RASGRF2: variants seen among roughly 807,000 people sequenced by gnomAD.
The protein encoded by RASGRF2 is ras-specific guanine nucleotide-releasing factor 2.
In RASGRF2, 76 loss-of-function variants were observed where a neutral mutation model predicts 151.0. The ratio of observed to expected loss-of-function variants is 0.50; its 90% CI spans 0.42 to 0.61. The LOEUF (loss-of-function observed/expected upper bound fraction) is 0.61, where lower values mean the gene tolerates loss of function less well. RASGRF2 is among the 20% of genes least tolerant of loss of function. The pLI, the probability that RASGRF2 is intolerant of heterozygous loss-of-function variation, is 0.00. For missense variants in RASGRF2, 1,148 were observed against 1,564.6 expected, an observed-to-expected ratio of 0.73 and a Z score of 4.49; for synonymous variants, 504 against 566.5, an observed-to-expected ratio of 0.89 and a Z score of 1.57.
At chr5:81,212,279 A>T in intron 22 of RASGRF2, 87 bp from the exon 23 acceptor site, 1 of 908,474 alleles carries the variant, frequency 1.1e-6, no homozygotes, top group Non-Finnish European at 1.7e-6. Context: ...TGCCTTCCTG[A>T]CAGGTCTGCA....
intron 1 of RASGRF2, among the ~76,000 whole-genome samples, chr5:81,010,515 T>C (rs1189686382): frequency 6.6e-6 from 1 of 152,156 alleles, no homozygotes; most frequent in Admixed American, 6.5e-5. Flanking sequence ...AGTTTTGCTT[T>C]TTGAAGATTT....
At chr5:81,101,179 T>A (rs1403768143) in intron 12 of RASGRF2, among the ~76,000 whole-genome samples, 1 of 152,214 alleles carries the variant, frequency 6.6e-6, no homozygotes, top group Non-Finnish European at 1.5e-5. Flanking sequence ...ATTAAAGATA[T>A]CTGAAACCCT....
At chr5:81,035,084 C>G (rs1750433475) in intron 1 of RASGRF2, among the ~76,000 whole-genome samples, 1 of 152,110 alleles carries the variant, frequency 6.6e-6, no homozygotes, top group Non-Finnish European at 1.5e-5. Flanking sequence ...ACTAGAAATA[C>G]CATTTGACCC....
intron 12 of RASGRF2, among the ~76,000 whole-genome samples, chr5:81,106,759 A>G (rs548017965): frequency 6.6e-6 from 1 of 152,240 alleles, no homozygotes; most frequent in Non-Finnish European, 1.5e-5. Context: ...GCTGGTTGAA[A>G]CACTGACTCT....
chr5:81,096,360 C>T (rs1383395379), intron 12 of RASGRF2: 1 of 152,210 alleles, frequency 6.6e-6, no homozygotes, highest in African/African-American at 2.4e-5. Flanking sequence ...CTGGATCATT[C>T]ATTGACTCTT....
In RASGRF2 at chr5:81,022,299, G is replaced by A. The variant is rs150079213; in HGVS notation, c.289-20578G>A. Among the ~76,000 whole-genome samples the A allele has an allele frequency of 4.2e-3, 644 of 152,230 alleles. 3 individuals are homozygous for A. The highest frequency in any genetic ancestry group is 6.2e-3 in the Non-Finnish European group (423 of 68,012). ...GAGTTCTGATAGTGCACTTCCCTCC[G>A]CAGTCATCCACAGGATAGTTGGGAG... On this transcript the variant is annotated intron_variant, in intron 1 of 26. Coordinates refer to ENST00000265080, the MANE Select transcript of RASGRF2 (RefSeq NM_006909.3).
At chr5:81,154,449 C>G (rs1754214005) in intron 17 of RASGRF2, among the ~76,000 whole-genome samples, 1 of 152,200 alleles carries the variant, frequency 6.6e-6, no homozygotes, top group East Asian at 1.9e-4. Context: ...AGGCTGGTCT[C>G]AAACTCCTGG....
At chr5:81,187,849 A>G (rs182436676) in intron 18 of RASGRF2, among the ~76,000 whole-genome samples, 1 of 152,306 alleles carries the variant, frequency 6.6e-6, no homozygotes, top group Admixed American at 6.5e-5. Flanking sequence ...GGCGGCTTCT[A>G]AATTTTTTTG....
intron 1 of RASGRF2, among the ~76,000 whole-genome samples, chr5:80,988,516 T>TA (rs1478290354): frequency 1.3e-5 from 2 of 152,182 alleles, no homozygotes; most frequent in Non-Finnish European, 2.9e-5. Context: ...TTAATTGATG[T>TA]ATATAGTCCA....
intron 10 of RASGRF2, 80 bp from the exon 11 acceptor site, chr5:81,094,216 G>T: frequency 8.7e-7 from 1 of 1,147,664 alleles, no homozygotes; most frequent in South Asian, 1.4e-5. Flanking sequence ...ATGGCAACTT[G>T]AATATAGTGT....
intron 1 of RASGRF2, among the ~76,000 whole-genome samples, chr5:81,036,970 TCA>T (rs918609343): frequency 2.0e-5 from 3 of 152,220 alleles, no homozygotes; most frequent in African/African-American, 7.2e-5. Context: ...TTTAATGGAC[TCA>T]CAGTTCCATG....
chr5:80,962,581 T>C (rs1436068230), intron 1 of RASGRF2, among the ~76,000 whole-genome samples: 1 of 152,138 alleles, frequency 6.6e-6, no homozygotes, highest in East Asian at 1.9e-4. Flanking sequence ...TTTCTTCATA[T>C]TTATATTAAT....
chr5:81,086,870 TA>T lies in RASGRF2; in HGVS notation c.1309del (p.Arg437GlyfsTer9), dbSNP rs1396271301. On this transcript the variant is annotated frameshift_variant, in exon 9 of 27. Transcript: ENST00000265080. LOFTEE classifies it high-confidence loss of function. ...GATGAAGTCAGCGACACTGAAAACA[TA>T]AGGAAAAACCTTGCCATCGAAAGAA... ...MHDEVSDTEN[I>X]RKNLAIERMI... 1.2e-6 allele frequency: 2 copies of T among 1,614,026 alleles called. No individual in the cohort carries two copies. The highest frequency in any genetic ancestry group is 8.5e-7 in the Non-Finnish European group (1 of 1,179,994).
chr5:81,101,652 A>C (rs1752702517), intron 12 of RASGRF2, among the ~76,000 whole-genome samples: 1 of 151,904 alleles, frequency 6.6e-6, no homozygotes, highest in African/African-American at 2.4e-5. Flanking sequence ...CTCTCTCTCC[A>C]TCCATGCATC....
chr5:81,179,520 A>T (rs1754863210), intron 17 of RASGRF2, among the ~76,000 whole-genome samples: 1 of 152,156 alleles, frequency 6.6e-6, no homozygotes, highest in Non-Finnish European at 1.5e-5. Flanking sequence ...ATGATTGTAG[A>T]TATTATATTC....
At chr5:81,024,249 A>ATTTTTTTTTTTTTTTTTTTTTTTTTTT (rs397884951) in intron 1 of RASGRF2, among the ~76,000 whole-genome samples, 9 of 71,684 alleles carry the variant, frequency 1.3e-4, no homozygotes, top group African/African-American at 2.5e-4. Flanking sequence ...TATTCATATA[A>ATTTTTTTTTTTTTTTTTTTTTTTTTTT]TTTTTTTTTT....
At chr5:81,122,401 A>G (rs1272248162) in intron 15 of RASGRF2, among the ~76,000 whole-genome samples, 2 of 152,164 alleles carry the variant, frequency 1.3e-5, no homozygotes, top group Non-Finnish European at 2.9e-5. Context: ...TTTTGTCTGC[A>G]TCTTGCATCG....
chr5:81,188,854 C>T (rs1240533536), intron 18 of RASGRF2, among the ~76,000 whole-genome samples: 13 of 152,206 alleles, frequency 8.5e-5, no homozygotes, highest in Admixed American at 8.5e-4. Context: ...CGGGAACCCC[C>T]AATCTTGCAG....
At chr5:81,047,860 TTC>T (rs1175476951) in intron 2 of RASGRF2, among the ~76,000 whole-genome samples, 4 of 152,192 alleles carry the variant, frequency 2.6e-5, no homozygotes, top group Non-Finnish European at 5.9e-5. Context: ...CTGTTGTTCA[TTC>T]TCTCTCTCCC....
Sources: gnomAD v4.1 joint callset for allele counts (sites outside exome capture counted in the v4.1 genomes callset) on GRCh38, gnomAD v4.1.1 for gene constraint, MANE v1.5 for transcripts, NCBI Gene and HGNC (gene_info 2026-07-23, HGNC 2026-07-21) for gene names.